The following SOD2 variants were observed in gnomAD, a reference collection of about 807,000 sequenced individuals.
SOD2 encodes superoxide dismutase [Mn], mitochondrial.
SOD2 carries 11 observed loss-of-function variants against 27.0 expected under a neutral mutation model. That is an observed-to-expected ratio of 0.41 (90% CI 0.26 to 0.67). SOD2 has a LOEUF of 0.67. SOD2 is among the 30% of genes least tolerant of loss of function. The probability of loss-of-function intolerance (pLI) is 0.34; values close to 1 mark genes in which losing one functional copy is unlikely to be tolerated. For synonymous variants in SOD2, 105 were observed against 103.0 expected, an observed-to-expected ratio of 1.02 and a Z score of -0.12; for missense variants, 250 against 274.5, an observed-to-expected ratio of 0.91 and a Z score of 0.63.
rs778195973 is a variant in SOD2 at position 159,692,824 on chromosome 6, G to C, written c.63C>G (p.Gly21=). ...RQLAPVLGYL[G]SRQKHSLPDL... ...CGGGGAGGCTGTGCTTCTGCCTGGAGCCCAGATACCCCAAAACCGGAGCCA... is the reference window on the plus strand; with the variant it reads ...CGGGGAGGCTGTGCTTCTGCCTGGACCCCAGATACCCCAAAACCGGAGCCA... Residue 21 remains glycine, a synonymous_variant, in exon 2 of 5, where the codon GGC becomes GGG. Coordinates refer to ENST00000538183, the MANE Select transcript of SOD2 (RefSeq NM_000636.4). 1 of 1,613,536 alleles carries C rather than the reference G, an allele frequency of 6.2e-7. No individual in the cohort carries two copies. Among genetic ancestry groups the C allele is most frequent in the Non-Finnish European group, 8.5e-7 (1 of 1,179,894 alleles).
intron 1 of SOD2, among the ~76,000 whole-genome samples, chr6:159,758,709 G>A (rs1323663150): frequency 6.6e-6 from 1 of 152,158 alleles, no homozygotes; most frequent in Non-Finnish European, 1.5e-5. Flanking sequence ...TAGTGGTAAG[G>A]AGTACACTGC....
At chr6:159,706,586 C>T (rs886949089) in intron 1 of SOD2, among the ~76,000 whole-genome samples, 12 of 152,138 alleles carry the variant, frequency 7.9e-5, no homozygotes, top group Middle Eastern at 3.2e-3. Flanking sequence ...AATATATATG[C>T]ACCCAATACA....
Position 159,681,415 on chromosome 6 carries a change from G to T in SOD2, c.*1078C>A, listed in dbSNP as rs896489175. 1 of 152,330 alleles carries T rather than the reference G, an allele frequency of 6.6e-6. No individual in the cohort carries two copies. Among genetic ancestry groups the T allele is most frequent in the African/African-American group, 2.4e-5 (1 of 41,454 alleles). The allele number at this position is 152,330 out of a possible 1,614,324, so 9.4% of individuals were successfully genotyped here. ...ATGGATTCACACAGACGTCAGATAAGGGGGAACACCAGGGACTAAACTCTG... is the reference window on the plus strand; with the variant it reads ...ATGGATTCACACAGACGTCAGATAATGGGGAACACCAGGGACTAAACTCTG... On this transcript the variant is annotated 3_prime_UTR_variant, in exon 5 of 5. Coordinates refer to ENST00000538183, the MANE Select transcript of SOD2 (RefSeq NM_000636.4).
intron 1 of SOD2, among the ~76,000 whole-genome samples, chr6:159,723,676 C>A (rs972287359): frequency 2.6e-5 from 4 of 152,188 alleles, no homozygotes; most frequent in African/African-American, 7.2e-5. Context: ...CCAGAGAAAA[C>A]CCCTCTGTTT....
chr6:159,761,709 A>G, exon 1 of SOD2: 1 of 372,024 alleles, frequency 2.7e-6, no homozygotes, highest in Non-Finnish European at 5.3e-6. Context: ...TTTTAAAAAA[A>G]AGCCCAAGAC....
intron 1 of SOD2, among the ~76,000 whole-genome samples, chr6:159,741,324 G>A (rs1299780290): frequency 6.6e-6 from 1 of 152,166 alleles, no homozygotes; most frequent in East Asian, 1.9e-4. Flanking sequence ...TTAAATTACA[G>A]TCTTGAAAAA....
intron 1 of SOD2, among the ~76,000 whole-genome samples, chr6:159,706,415 G>A (rs754771976): frequency 1.2e-4 from 18 of 152,100 alleles, no homozygotes; most frequent in Non-Finnish European, 2.2e-4. Flanking sequence ...ATAAAGGGAT[G>A]GAGGAAGATC....
upstream of SOD2, chr6:159,748,083 G>A (rs912529621): frequency 3.8e-6 from 5 of 1,323,104 alleles, no homozygotes; most frequent in African/African-American, 5.9e-5. The surrounding 1 kb of genome is among the most constrained non-coding windows in gnomAD (Gnocchi z 5.6). Context: ...AAGAGGGGAG[G>A]AGCTTAATGA....
At chr6:159,706,300 C>T (rs1441045373) in intron 1 of SOD2, among the ~76,000 whole-genome samples, 2 of 152,046 alleles carry the variant, frequency 1.3e-5, no homozygotes, top group Non-Finnish European at 2.9e-5. Context: ...GCTAAATGCT[C>T]CAATTAAAAG....
intron 4 of SOD2, among the ~76,000 whole-genome samples, chr6:159,684,579 T>G (rs1455512778): frequency 6.6e-6 from 1 of 152,120 alleles, no homozygotes; most frequent in Non-Finnish European, 1.5e-5. Flanking sequence ...ATCGCACCAC[T>G]GCACTCCAGC....
rs146027653 is a variant in SOD2, at chr6:159,757,506, G to A, written c.-336+3531C>T. Among the ~76,000 whole-genome samples, 462 of 150,362 alleles carry A rather than the reference G, an allele frequency of 3.1e-3. 6 individuals carry two copies. Among genetic ancestry groups the A allele is most frequent in the South Asian group, 0.023 (108 of 4,762 alleles). On this transcript the variant is annotated intron_variant, in intron 1 of 7. Transcript: ENST00000546087. ...TGGCTCACTGCAACCTCCACCTCCC[G>A]GATTCAAGTAATTCTCCTGCCTCAG... is the stretch of plus-strand genomic sequence containing the variant.
chr6:159,719,530 A>G (rs553578219), intron 1 of SOD2, among the ~76,000 whole-genome samples: 8 of 151,242 alleles, frequency 5.3e-5, no homozygotes, highest in Non-Finnish European at 2.9e-5. Context: ...AGAGGCTGAG[A>G]CAGGAGGATC....
At chr6:159,748,506 G>A, upstream of SOD2, 4 of 1,449,328 alleles carry the variant, frequency 2.8e-6, no homozygotes, top group Non-Finnish European at 3.6e-6. The surrounding 1 kb of genome is among the most constrained non-coding windows in gnomAD (Gnocchi z 5.6). Flanking sequence ...TTCTTACACT[G>A]TCCAGCTTGT....
intron 1 of SOD2, among the ~76,000 whole-genome samples, chr6:159,759,508 A>G (rs1183419594): frequency 3.3e-5 from 5 of 151,608 alleles, no homozygotes; most frequent in Non-Finnish European, 2.9e-5. Flanking sequence ...CGTCTTTACT[A>G]AAAATATAAA....
At chr6:159,760,194 G>C (rs770083204) in intron 1 of SOD2, 1 of 152,234 alleles carries the variant, frequency 6.6e-6, no homozygotes, top group Admixed American at 6.5e-5. Flanking sequence ...ACAGAAGATA[G>C]TTTCACTGCT....
At chr6:159,761,962 G>A (rs55945447) in exon 1 of SOD2, 56,197 of 1,103,778 alleles carry the variant, frequency 0.051, 1,775 homozygotes, top group Non-Finnish European at 0.062. Flanking sequence ...GAGGTGGTGC[G>A]CGGGGAGGTG....
chr6:159,686,864 C>T (rs1375592016), intron 3 of SOD2, among the ~76,000 whole-genome samples: 1 of 152,146 alleles, frequency 6.6e-6, no homozygotes. Flanking sequence ...ACTACATTTA[C>T]GCCTCATGCC....
chr6:159,727,218 T>G (rs1467293248), exon 1 of SOD2: 1 of 1,265,614 alleles, frequency 7.9e-7, no homozygotes, highest in Non-Finnish European at 1.0e-6. Context: ...TGCTCCATTG[T>G]GCCTCGAGGC....
chr6:159,728,538 G>C (rs559056861), upstream of SOD2, among the ~76,000 whole-genome samples: 5 of 152,262 alleles, frequency 3.3e-5, no homozygotes, highest in South Asian at 8.3e-4. Flanking sequence ...CCATTGCTTC[G>C]GAAGATAAGT....
Sources: gnomAD v4.1 joint callset for allele counts (sites outside exome capture counted in the v4.1 genomes callset) on GRCh38, gnomAD v4.1.1 for gene constraint, Gnocchi (gnomAD v3.1) non-coding constraint, MANE v1.5 for transcripts, NCBI Gene and HGNC (gene_info 2026-07-23, HGNC 2026-07-21) for gene names.